TSNARE1: variants seen among roughly 807,000 people sequenced by gnomAD.
TSNARE1 encodes t-SNARE domain-containing protein 1.
Under a neutral mutation model 62.0 loss-of-function variants are expected in TSNARE1, and 49 were observed. That is an observed-to-expected ratio of 0.79 (90% CI 0.63 to 1.00). The LOEUF (loss-of-function observed/expected upper bound fraction) is 1.00, where lower values mean the gene tolerates loss of function less well. TSNARE1 is among the 50% of genes least tolerant of loss of function. The pLI, the probability that TSNARE1 is intolerant of heterozygous loss-of-function variation, is 0.00. For missense variants in TSNARE1, 755 were observed against 700.1 expected (o/e 1.08, Z -0.88); for synonymous variants, 328 against 294.4 (o/e 1.11, Z -1.17).
intron 3 of TSNARE1, 105 bp from the exon 4 acceptor site, chr8:142,344,577 A>G: frequency 1.6e-6 from 2 of 1,230,632 alleles, no homozygotes; most frequent in Non-Finnish European, 2.2e-6. Context: ...CTGCTTCAGG[A>G]CACGGCTGCC....
intron 1 of TSNARE1, among the ~76,000 whole-genome samples, chr8:142,359,083 C>A (rs896056035): frequency 6.6e-6 from 1 of 152,040 alleles, no homozygotes; most frequent in African/African-American, 2.4e-5. Context: ...CACCTCTGTG[C>A]CTTCACCCAG....
chr8:142,251,996 A>G (rs186646526), intron 12 of TSNARE1, among the ~76,000 whole-genome samples: 8,930 of 81,960 alleles, frequency 0.11, 517 homozygotes, highest in African/African-American at 0.22. Flanking sequence ...TGTACCCGCC[A>G]CTCGCGTTCT....
intron 1 of TSNARE1, among the ~76,000 whole-genome samples, chr8:142,377,294 C>G (rs962618199): frequency 1.4e-4 from 22 of 152,042 alleles, no homozygotes; most frequent in African/African-American, 5.3e-4. Flanking sequence ...AAGAAAACAT[C>G]TACCAAATAC....
intron 12 of TSNARE1, among the ~76,000 whole-genome samples, chr8:142,267,590 A>AGTCT (rs983245635): frequency 2.6e-5 from 4 of 152,130 alleles, no homozygotes; most frequent in Admixed American, 2.6e-4. Flanking sequence ...CTGGGCTCTC[A>AGTCT]GTCTGTCTGT....
At chr8:142,298,416 C>G (rs753281174) in intron 10 of TSNARE1, among the ~76,000 whole-genome samples, 1 of 152,128 alleles carries the variant, frequency 6.6e-6, no homozygotes, top group Non-Finnish European at 1.5e-5. Flanking sequence ...GTGGCTGCAC[C>G]GGGCACGAGC....
chr8:142,292,230 G>A (rs956069306), intron 10 of TSNARE1, among the ~76,000 whole-genome samples: 1 of 152,104 alleles, frequency 6.6e-6, no homozygotes, highest in Non-Finnish European at 1.5e-5. Flanking sequence ...TTGGCTCTCC[G>A]AGCTAGTGGA....
chr8:142,345,720 G>C (rs758973308), intron 3 of TSNARE1, 23 bp downstream of exon 3: 1 of 1,560,826 alleles, frequency 6.4e-7, no homozygotes, highest in East Asian at 2.4e-5. Context: ...GGACCCCTGA[G>C]ACCCAGCGTC....
chr8:142,301,093 C>A (rs1825681966), intron 9 of TSNARE1, among the ~76,000 whole-genome samples: 1 of 151,918 alleles, frequency 6.6e-6, no homozygotes, highest in African/African-American at 2.4e-5. Flanking sequence ...ACAGTGCCCC[C>A]CACCTTCCCT....
intron 12 of TSNARE1, chr8:142,273,380 G>A (rs908762098): frequency 1.1e-5 from 11 of 985,252 alleles, no homozygotes; most frequent in Admixed American, 6.2e-5. Flanking sequence ...GTCACCAGGC[G>A]TCACCTTCTG....
At chr8:142,367,370 T>G (rs1835627481) in intron 1 of TSNARE1, among the ~76,000 whole-genome samples, 1 of 152,210 alleles carries the variant, frequency 6.6e-6, no homozygotes. Flanking sequence ...GAAGTCCTGA[T>G]GTGCGTTACA....
At chr8:142,305,113 T>C (rs1420573223) in intron 9 of TSNARE1, among the ~76,000 whole-genome samples, 2 of 152,132 alleles carry the variant, frequency 1.3e-5, no homozygotes, top group Non-Finnish European at 2.9e-5. Flanking sequence ...CCTCCCACGA[T>C]GAAATCCTCC....
intron 12 of TSNARE1, among the ~76,000 whole-genome samples, chr8:142,250,549 G>A (rs556970600): frequency 6.6e-6 from 1 of 152,296 alleles, no homozygotes; most frequent in South Asian, 2.1e-4. Context: ...AGGCCCGATC[G>A]CAGTAGCCTG....
intron 1 of TSNARE1, among the ~76,000 whole-genome samples, chr8:142,362,773 G>A (rs1471744664): frequency 1.3e-5 from 2 of 152,200 alleles, no homozygotes; most frequent in Non-Finnish European, 2.9e-5. Flanking sequence ...CAGAAGACCT[G>A]GCAAAGTCCC....
chr8:142,261,032 GAA>G (rs1563786778), intron 12 of TSNARE1, among the ~76,000 whole-genome samples: 6 of 111,742 alleles, frequency 5.4e-5, no homozygotes, highest in East Asian at 3.2e-4. Flanking sequence ...AGGGAGGAGA[GAA>G]AGAGGAGGGA....
intron 12 of TSNARE1, among the ~76,000 whole-genome samples, chr8:142,256,366 ATC>A (rs1818564408): frequency 3.5e-5 from 5 of 141,376 alleles, no homozygotes; most frequent in African/African-American, 1.3e-4. Flanking sequence ...TATCACCACC[ATC>A]ATCACCACCA....
chr8:142,238,151 GAGA>G (rs1817525716), intron 12 of TSNARE1, among the ~76,000 whole-genome samples: 1 of 152,058 alleles, frequency 6.6e-6, no homozygotes, highest in South Asian at 2.1e-4. Flanking sequence ...TCTTTCTGGG[GAGA>G]AGGAGTGCCG....
chr8:142,340,736 C>G (rs563466902), intron 4 of TSNARE1, among the ~76,000 whole-genome samples: 1 of 152,356 alleles, frequency 6.6e-6, no homozygotes, highest in Admixed American at 6.5e-5. Flanking sequence ...GCCTTCCCAC[C>G]ACTGTCTGGA....
chr8:142,223,430 A>G (rs1262159777), intron 13 of TSNARE1, among the ~76,000 whole-genome samples: 1 of 138,036 alleles, frequency 7.2e-6, no homozygotes, highest in Non-Finnish European at 1.5e-5. Context: ...ATACTCATTC[A>G]CTCACTCACT....
chr8:142,246,974 C>G (rs1423645432), intron 12 of TSNARE1, among the ~76,000 whole-genome samples: 1 of 152,240 alleles, frequency 6.6e-6, no homozygotes, highest in African/African-American at 2.4e-5. Context: ...CAATCCTTCC[C>G]CTTCTCAATG....
Sources: allele counts gnomAD v4.1 joint callset (sites outside exome capture counted in the v4.1 genomes callset), GRCh38; gene constraint gnomAD v4.1.1; transcripts MANE v1.5; gene names NCBI Gene and HGNC (gene_info 2026-07-23, HGNC 2026-07-21).